The following GSPT1 variants were observed in gnomAD, a reference collection of about 807,000 sequenced individuals.
GSPT1 encodes G1 to S phase transition 1.
Under a neutral mutation model 72.5 loss-of-function variants are expected in GSPT1, and 20 were observed. The observed-to-expected ratio is 0.28, with a 90% CI of 0.19 to 0.40. The LOEUF is 0.40. Ranked by LOEUF, GSPT1 falls within the 10% of genes least tolerant of loss-of-function variation. The pLI is 1.00. For synonymous variants in GSPT1, 334 were observed against 293.5 expected (o/e 1.14, Z -1.41); for missense variants, 580 against 811.9 (o/e 0.71, Z 3.47).
Position 11,876,195 on chromosome 16 carries a change from A to G in GSPT1, c.1603-20T>C. ...CACTATCTGTCAAACAAACACACACATTCTTATCTTTAGCCTTAGGGTAAA... is the reference window on the plus strand; with the variant it reads ...CACTATCTGTCAAACAAACACACACGTTCTTATCTTTAGCCTTAGGGTAAA... On this transcript the variant is annotated intron_variant, in intron 12 of 14. Coordinates refer to ENST00000434724, the MANE Select transcript of GSPT1 (RefSeq NM_002094.4). 1 of 1,428,076 alleles carries G rather than the reference A, an allele frequency of 7.0e-7. No homozygotes were observed. The highest frequency in any genetic ancestry group is 9.9e-7 in the Non-Finnish European group (1 of 1,011,120). The allele number at this position is 1,428,076 out of a possible 1,614,324, so 88.5% of individuals were successfully genotyped here. A position where few individuals can be genotyped will look rare whatever the true frequency, so the allele number is the denominator to read the frequency against.
At chr16:11,879,393 CA>C (rs1420335600) in intron 11 of GSPT1, among the ~76,000 whole-genome samples, 11 of 140,926 alleles carry the variant, frequency 7.8e-5, no homozygotes, top group Non-Finnish European at 9.2e-5. Context: ...GACTCCGTCT[CA>C]AAAAAAAAAG....
At chr16:11,915,339 CG>C in intron 1 of GSPT1, 29 bp downstream of exon 1, 1 of 1,436,184 alleles carries the variant, frequency 7.0e-7, no homozygotes, top group Non-Finnish European at 9.1e-7. Flanking sequence ...GGCGCCCGGC[CG>C]GACTTCCTCC....
intron 1 of GSPT1, among the ~76,000 whole-genome samples, chr16:11,898,407 TAGGTAAC>T (rs2054366019): frequency 1.3e-5 from 2 of 151,494 alleles, no homozygotes; most frequent in Admixed American, 1.3e-4. Flanking sequence ...TGATTCTCTC[TAGGTAAC>T]CCAGCCCAAG....
chr16:11,912,046 T>TA (rs371293585), intron 1 of GSPT1, among the ~76,000 whole-genome samples: 49,466 of 113,034 alleles, frequency 0.44, 11,441 homozygotes, highest in East Asian at 0.76. Flanking sequence ...GTCAATCATT[T>TA]AAAAAAAAAA....
chr16:11,915,673 C>CCCGCCGCCGCCGCCGCCGCCCCCG lies in GSPT1; in HGVS notation c.47_48insCGGGGGCGGCGGCGGCGGCGGCGG (p.Gly9_Gly16dup), dbSNP rs2054625643. On this transcript the variant is annotated inframe_insertion, in exon 1 of 15. Coordinates refer to ENST00000434724, the MANE Select transcript of GSPT1 (RefSeq NM_002094.4). ...CGCTGCTGCTGCTGCCGCTGCTGCT[C>CCCGCCGCCGCCGCCGCCGCCCCCG]CCGCCGCCGCCGCCGCCGCCGCCGC... The CCCGCCGCCGCCGCCGCCGCCCCCG allele has an allele frequency of 2.3e-6, 3 of 1,317,396 alleles. No individual in the cohort carries two copies. The African/African-American group carries it at 4.8e-5, about 21-fold the overall frequency. The allele number at this position is 1,317,396 out of a possible 1,614,324, so 81.6% of individuals were successfully genotyped here. A position where few individuals can be genotyped will look rare whatever the true frequency, so the allele number is the denominator to read the frequency against.
intron 11 of GSPT1, chr16:11,881,992 G>A (rs542068101): frequency 1.3e-5 from 2 of 152,116 alleles, no homozygotes; most frequent in African/African-American, 4.8e-5. Flanking sequence ...ACAAAACTGA[G>A]TAAGTAAGGG....
chr16:11,875,740 CGTCAGT>C lies in GSPT1; in HGVS notation c.1861+15_1861+20del, dbSNP rs2054040195. The C allele has an allele frequency of 6.4e-7, 1 of 1,570,884 alleles. No homozygotes were observed. The highest frequency in any genetic ancestry group is 1.7e-4 in the Middle Eastern group (1 of 5,946). On this transcript the variant is annotated intron_variant, in intron 14 of 14. Coordinates refer to ENST00000434724, the MANE Select transcript of GSPT1 (RefSeq NM_002094.4). ...TAGGTATCCTGGATATACTACTAGA[CGTCAGT>C]TTAAAAGCTCTTACCCTCATCTCTT...
chr16:11,898,746 A>C (rs756464677), intron 1 of GSPT1, among the ~76,000 whole-genome samples: 1 of 152,078 alleles, frequency 6.6e-6, no homozygotes, highest in Non-Finnish European at 1.5e-5. Context: ...CACCGCATCC[A>C]GCCTGTGATT....
intron 1 of GSPT1, among the ~76,000 whole-genome samples, chr16:11,900,309 G>C (rs1245078143): frequency 7.3e-6 from 1 of 136,804 alleles, no homozygotes; most frequent in Non-Finnish European, 1.5e-5. Context: ...CTCCAGCTTG[G>C]ACAAGAATGA....
Position 11,885,186 on chromosome 16 carries a change from A to G in GSPT1, c.1342T>C (p.Tyr448His). Reference protein sequence around the residue: ...GPIRLPIVDKYKDMGTVVLGK... With the variant: ...GPIRLPIVDKHKDMGTVVLGK... ...TTCTTTAACATTTTGGGTACCTTGT[A>G]CTTATCCACAATTGGCAGCCTGATT... The change falls in exon 10 of 15, where the codon TAC (tyrosine) becomes CAC (histidine). Residue 448 changes from tyrosine to histidine, a missense_variant. Tyr to His is a moderately conservative substitution (Grantham distance 83). Transcript: ENST00000434724. 3.3e-6 allele frequency: 5 copies of G among 1,507,048 alleles called. No homozygotes were observed. The highest frequency in any genetic ancestry group is 4.6e-6 in the Non-Finnish European group (5 of 1,082,450). 93.4% of individuals were successfully genotyped at this position (1,507,048 alleles called of 1,614,324 possible).
intron 6 of GSPT1, 139 bp downstream of exon 6, chr16:11,890,923 T>C (rs1363159226): frequency 1.7e-6 from 1 of 583,426 alleles, no homozygotes; most frequent in Non-Finnish European, 3.0e-6. Flanking sequence ...CTACTGTGTA[T>C]TATGAGGAGA....
intron 6 of GSPT1, among the ~76,000 whole-genome samples, chr16:11,889,801 C>G (rs1003989866): frequency 3.3e-5 from 5 of 151,248 alleles, no homozygotes; most frequent in South Asian, 4.2e-4. Flanking sequence ...ACACTGTGCC[C>G]GGCCATTTTT....
chr16:11,887,036 T>TC, intron 7 of GSPT1, 105 bp from the exon 8 acceptor site: 4 of 938,490 alleles, frequency 4.3e-6, no homozygotes, highest in Non-Finnish European at 6.4e-6. Flanking sequence ...TTTTTTTTTT[T>TC]TTGCAAGAAA....
chr16:11,893,141 T>A (rs910616169), intron 5 of GSPT1, among the ~76,000 whole-genome samples: 3 of 152,006 alleles, frequency 2.0e-5, no homozygotes, highest in African/African-American at 7.3e-5. Flanking sequence ...AAGCGTGTAG[T>A]CCCAGCTACT....
chr16:11,874,642 T>C (rs1258778498), intron 14 of GSPT1, among the ~76,000 whole-genome samples: 2 of 152,124 alleles, frequency 1.3e-5, no homozygotes, highest in Admixed American at 1.3e-4. Context: ...TAACCAGTTT[T>C]ACTATCAACC....
intron 14 of GSPT1, among the ~76,000 whole-genome samples, chr16:11,874,833 C>T (rs537406571): frequency 3.9e-5 from 6 of 152,200 alleles, no homozygotes; most frequent in Admixed American, 1.3e-4. Flanking sequence ...TTCTGTATTT[C>T]AATGGAACTA....
intron 11 of GSPT1, among the ~76,000 whole-genome samples, chr16:11,878,874 G>A (rs971272782): frequency 1.3e-5 from 2 of 151,842 alleles, no homozygotes; most frequent in Admixed American, 6.6e-5. Context: ...AGACCAGCCT[G>A]GCCAACATGG....
At chr16:11,897,083 C>T (rs1253658420) in intron 3 of GSPT1, among the ~76,000 whole-genome samples, 1 of 152,126 alleles carries the variant, frequency 6.6e-6, no homozygotes, top group Non-Finnish European at 1.5e-5. Flanking sequence ...ACATTCCCAA[C>T]AGCCTAGTTA....
At chr16:11,876,981 C>T (rs2054056594) in intron 12 of GSPT1, among the ~76,000 whole-genome samples, 2 of 152,174 alleles carry the variant, frequency 1.3e-5, no homozygotes, top group African/African-American at 2.4e-5. Flanking sequence ...CTGTTATTCA[C>T]ACCAGTCACT....
Sources: allele counts gnomAD v4.1 joint callset (sites outside exome capture counted in the v4.1 genomes callset), GRCh38; gene constraint gnomAD v4.1.1; transcripts MANE v1.5; gene names NCBI Gene and HGNC (gene_info 2026-07-23, HGNC 2026-07-21).